Variants in LMNTD1 observed in about 807,000 individuals in gnomAD.
The protein encoded by LMNTD1 is lamin tail domain-containing protein 1.
LMNTD1 carries 35 observed loss-of-function variants against 50.9 expected under a neutral mutation model. The observed-to-expected ratio is 0.69, with a 90% CI of 0.53 to 0.91. The LOEUF is 0.91. Ranked by LOEUF, LMNTD1 falls within the 40% of genes least tolerant of loss-of-function variation. LMNTD1 has a pLI of 0.00. For missense variants in LMNTD1, 470 were observed against 475.5 expected, an observed-to-expected ratio of 0.99 and a Z score of 0.11; for synonymous variants, 153 against 161.9, an observed-to-expected ratio of 0.94 and a Z score of 0.42.
chr12:25,517,842 G>T (rs972349843), intron 8 of LMNTD1, among the ~76,000 whole-genome samples: 3 of 151,894 alleles, frequency 2.0e-5, no homozygotes, highest in Non-Finnish European at 4.4e-5. Flanking sequence ...TTTTGGGGGT[G>T]CCATTTCCCA....
chr12:25,579,086 G>A (rs981664308), intron 1 of LMNTD1, among the ~76,000 whole-genome samples: 3 of 152,168 alleles, frequency 2.0e-5, no homozygotes, highest in African/African-American at 4.8e-5. Flanking sequence ...TAAAGGAGGA[G>A]TAATTACATA....
chr12:25,587,663 A>G (rs573449594), intron 1 of LMNTD1, among the ~76,000 whole-genome samples: 3 of 152,348 alleles, frequency 2.0e-5, no homozygotes, highest in Admixed American at 2.0e-4. Flanking sequence ...TGGGGATTAC[A>G]TCCCAAAAAG....
At chr12:25,565,160 T>C (rs1016205121) in intron 1 of LMNTD1, among the ~76,000 whole-genome samples, 3 of 152,132 alleles carry the variant, frequency 2.0e-5, no homozygotes, top group African/African-American at 7.2e-5. Flanking sequence ...TGTCTTTTGA[T>C]TGGAGAGTTT....
At chr12:25,504,638 G>A (rs1029559059) in intron 8 of LMNTD1, among the ~76,000 whole-genome samples, 3 of 152,116 alleles carry the variant, frequency 2.0e-5, no homozygotes, top group Non-Finnish European at 2.9e-5. Flanking sequence ...TTCCATGCAA[G>A]CTCAGAAGAA....
intron 4 of LMNTD1, among the ~76,000 whole-genome samples, chr12:25,527,999 C>T (rs956691473): frequency 6.6e-6 from 1 of 151,718 alleles, no homozygotes; most frequent in African/African-American, 2.4e-5. Flanking sequence ...CTTTTGTAAT[C>T]CCTGACAGGG....
At chr12:25,536,824 T>C (rs1942617999) in intron 4 of LMNTD1, among the ~76,000 whole-genome samples, 1 of 152,240 alleles carries the variant, frequency 6.6e-6, no homozygotes, top group South Asian at 2.1e-4. Flanking sequence ...ACCAGGTTCA[T>C]CTCACTAGGG....
chr12:25,489,150 C>T (rs2135916670), intron 9 of LMNTD1, among the ~76,000 whole-genome samples: 1 of 152,174 alleles, frequency 6.6e-6, no homozygotes, highest in East Asian at 1.9e-4. Context: ...CAGTGGTGGG[C>T]TCCACCCAGT....
chr12:25,525,009 G>T (rs1166593775), intron 6 of LMNTD1, among the ~76,000 whole-genome samples: 1 of 152,108 alleles, frequency 6.6e-6, no homozygotes, highest in African/African-American at 2.4e-5. Context: ...CAGCAAAAAA[G>T]AAACTCAGAG....
At chr12:25,633,743 A>G (rs1474470058) in intron 1 of LMNTD1, among the ~76,000 whole-genome samples, 2 of 152,216 alleles carry the variant, frequency 1.3e-5, no homozygotes, top group Non-Finnish European at 2.9e-5. Flanking sequence ...ACAAACTGAC[A>G]TTCTAAGGTC....
intron 9 of LMNTD1, among the ~76,000 whole-genome samples, chr12:25,490,575 A>G (rs1565938222): frequency 6.6e-6 from 1 of 152,196 alleles, no homozygotes; most frequent in Non-Finnish European, 1.5e-5. Flanking sequence ...TAAACATGAA[A>G]ATCAGTTTTT....
At chr12:25,536,180 CA>C (rs1007995557) in intron 4 of LMNTD1, among the ~76,000 whole-genome samples, 1 of 151,966 alleles carries the variant, frequency 6.6e-6, no homozygotes, top group Admixed American at 6.6e-5. Context: ...AACAAGTAGA[CA>C]AAAAAATCAG....
At chr12:25,519,373 C>CG (rs1941074046) in intron 7 of LMNTD1, among the ~76,000 whole-genome samples, 2 of 58,822 alleles carry the variant, frequency 3.4e-5, no homozygotes, top group African/African-American at 8.1e-5. Context: ...GGGCGGATCA[C>CG]AAGGAGATCG....
intron 9 of LMNTD1, among the ~76,000 whole-genome samples, chr12:25,493,512 C>T (rs975809052): frequency 6.6e-6 from 1 of 152,152 alleles, no homozygotes; most frequent in Admixed American, 6.5e-5. Context: ...TCACAATATA[C>T]CCACCCAAAA....
chr12:25,603,484 G>A (rs1295305793), intron 1 of LMNTD1, among the ~76,000 whole-genome samples: 1 of 151,880 alleles, frequency 6.6e-6, no homozygotes, highest in Non-Finnish European at 1.5e-5. Flanking sequence ...CAGTAAAGAG[G>A]TCCTTGTATT....
intron 1 of LMNTD1, among the ~76,000 whole-genome samples, chr12:25,593,543 C>A (rs1945763093): frequency 6.6e-6 from 1 of 151,826 alleles, no homozygotes; most frequent in South Asian, 2.1e-4. Flanking sequence ...TCCCATGGGA[C>A]AAAAAAATCT....
chr12:25,532,310 G>C (rs1026117998), intron 4 of LMNTD1, among the ~76,000 whole-genome samples: 1 of 152,118 alleles, frequency 6.6e-6, no homozygotes, highest in Non-Finnish European at 1.5e-5. Context: ...AATTAAATGT[G>C]AAATAATTGG....
chr12:25,554,612 T>C (rs539417789), upstream of LMNTD1, among the ~76,000 whole-genome samples: 2 of 152,320 alleles, frequency 1.3e-5, no homozygotes, highest in Admixed American at 6.5e-5. Context: ...AGGATGTTGA[T>C]AGTAGTCATT....
chr12:25,494,576 T>C (rs1409030487), intron 9 of LMNTD1, among the ~76,000 whole-genome samples: 4 of 152,136 alleles, frequency 2.6e-5, no homozygotes, highest in Admixed American at 2.6e-4. Context: ...AGAATATGAT[T>C]ATGAATAAAT....
chr12:25,522,244 G>A (rs961502977), intron 6 of LMNTD1, among the ~76,000 whole-genome samples: 5 of 152,248 alleles, frequency 3.3e-5, no homozygotes, highest in Admixed American at 6.5e-5. Context: ...TCCCTTTTTA[G>A]TAGCTCAAAC....
Sources: allele counts gnomAD v4.1 joint callset (sites outside exome capture counted in the v4.1 genomes callset), GRCh38; gene constraint gnomAD v4.1.1; transcripts MANE v1.5; gene names NCBI Gene and HGNC (gene_info 2026-07-23, HGNC 2026-07-21).